Variants in SGCD observed in about 807,000 individuals in gnomAD.
SGCD encodes sarcoglycan delta.
Under a neutral mutation model 36.6 loss-of-function variants are expected in SGCD, and 18 were observed. The observed-to-expected ratio is 0.49, with a 90% CI of 0.34 to 0.73. The LOEUF (loss-of-function observed/expected upper bound fraction) is 0.73, where lower values mean the gene tolerates loss of function less well. Among genes scored for constraint, SGCD ranks in the 30% least tolerant of loss-of-function variants. The pLI is 0.01. For synonymous variants in SGCD, 133 were observed against 130.6 expected (o/e 1.02, Z -0.12); for missense variants, 387 against 346.7 (o/e 1.12, Z -0.92).
chr5:155,981,201 T>C (rs961413329), intron 1 of SGCD, among the ~76,000 whole-genome samples: 1 of 152,016 alleles, frequency 6.6e-6, no homozygotes, highest in African/African-American at 2.4e-5. Context: ...GCATTGACAA[T>C]GTGGGACAAA....
chr5:156,086,513 G>A (rs1216829819), intron 1 of SGCD, among the ~76,000 whole-genome samples: 5 of 152,190 alleles, frequency 3.3e-5, no homozygotes, highest in Admixed American at 6.5e-5. Flanking sequence ...GAGTGGTGAG[G>A]GGTTACAAGG....
chr5:156,012,725 A>T (rs1468958916), intron 1 of SGCD, among the ~76,000 whole-genome samples: 1 of 149,186 alleles, frequency 6.7e-6, no homozygotes, highest in Admixed American at 6.7e-5. Context: ...CCATTCTCCC[A>T]CCTCAGCCTC....
the SGCD span, among the ~76,000 whole-genome samples, chr5:155,823,688 G>A: frequency 0.044 from 6,717 of 152,276 alleles, 324 homozygotes; most frequent in African/African-American, 0.12. Context: ...AGGCAGAACA[G>A]CTTCTGGTGA....
chr5:156,478,342 TG>T (rs1755279928), intron 3 of SGCD, among the ~76,000 whole-genome samples: 1 of 152,240 alleles, frequency 6.6e-6, no homozygotes, highest in African/African-American at 2.4e-5. Flanking sequence ...GCCCCACCAA[TG>T]AGGTTCTTTT....
chr5:156,719,644 C>CAAT (rs1410424119), intron 7 of SGCD, among the ~76,000 whole-genome samples: 1 of 151,860 alleles, frequency 6.6e-6, no homozygotes, highest in Non-Finnish European at 1.5e-5. Context: ...TTGCACTATA[C>CAAT]AATAGAAACT....
chr5:155,802,562 A>G, the SGCD span, among the ~76,000 whole-genome samples: 3 of 152,196 alleles, frequency 2.0e-5, no homozygotes, highest in Non-Finnish European at 4.4e-5. Flanking sequence ...ATAAAGCAGA[A>G]TCATACAGAC....
chr5:156,179,520 A>G (rs1763552650), intron 3 of SGCD, among the ~76,000 whole-genome samples: 1 of 152,100 alleles, frequency 6.6e-6, no homozygotes, highest in Non-Finnish European at 1.5e-5. Flanking sequence ...TGATGTGCAT[A>G]TGATAAAGCT....
chr5:155,765,103 C>T, the SGCD span, among the ~76,000 whole-genome samples: 1 of 151,688 alleles, frequency 6.6e-6, no homozygotes, highest in African/African-American at 2.4e-5. Flanking sequence ...ACATAGTGAA[C>T]CCCCATCTCT....
chr5:155,918,907 T>C (rs962242110), intron 1 of SGCD, among the ~76,000 whole-genome samples: 2 of 152,210 alleles, frequency 1.3e-5, no homozygotes, highest in African/African-American at 4.8e-5. Context: ...GCTTCTGACC[T>C]CTTTCCTGCT....
At chr5:156,112,330 T>G (rs895141529) in intron 1 of SGCD, among the ~76,000 whole-genome samples, 3 of 152,208 alleles carry the variant, frequency 2.0e-5, no homozygotes, top group African/African-American at 7.2e-5. Flanking sequence ...GTGACTAATT[T>G]AGCTTCACAT....
the SGCD span, among the ~76,000 whole-genome samples, chr5:155,858,226 A>C: frequency 6.6e-6 from 1 of 152,164 alleles, no homozygotes; most frequent in Non-Finnish European, 1.5e-5. Flanking sequence ...ATTTAATCTT[A>C]CATTAATCTC....
intron 3 of SGCD, among the ~76,000 whole-genome samples, chr5:156,298,309 T>G (rs1766952680): frequency 6.6e-6 from 1 of 152,142 alleles, no homozygotes; most frequent in Non-Finnish European, 1.5e-5. Context: ...CGTGTGGTAA[T>G]TAGATCTTTA....
At chr5:156,211,518 G>T (rs1331542766) in intron 3 of SGCD, among the ~76,000 whole-genome samples, 4 of 151,644 alleles carry the variant, frequency 2.6e-5, no homozygotes, top group Non-Finnish European at 5.9e-5. Context: ...TGAGGCAGGG[G>T]AATGGCGTGA....
At chr5:155,842,244 G>A in the SGCD span, among the ~76,000 whole-genome samples, 15 of 104,224 alleles carry the variant, frequency 1.4e-4, no homozygotes, top group African/African-American at 7.1e-4. Flanking sequence ...CTCATTTGAG[G>A]TGTTTTTTTT....
At chr5:155,840,425 T>TC in the SGCD span, among the ~76,000 whole-genome samples, 21 of 149,988 alleles carry the variant, frequency 1.4e-4, no homozygotes, top group African/African-American at 4.4e-4. Context: ...TTTTTTTTTT[T>TC]TGTATTTTTA....
At chr5:156,228,613 T>C (rs1764916840) in intron 3 of SGCD, among the ~76,000 whole-genome samples, 1 of 152,204 alleles carries the variant, frequency 6.6e-6, no homozygotes, top group Admixed American at 6.5e-5. Context: ...ATCTTTTAAG[T>C]AGAATATTTA....
At chr5:155,917,267 CAGG>C (rs1234485432) in intron 1 of SGCD, among the ~76,000 whole-genome samples, 3 of 152,086 alleles carry the variant, frequency 2.0e-5, no homozygotes, top group African/African-American at 4.8e-5. Context: ...TGACTCCATG[CAGG>C]AGAATAGCTC....
intron 3 of SGCD, among the ~76,000 whole-genome samples, chr5:156,152,639 C>T (rs1171740019): frequency 6.6e-6 from 1 of 151,608 alleles, no homozygotes; most frequent in Non-Finnish European, 1.5e-5. Context: ...TGTTGACTAC[C>T]TGTTGAAATG....
At chr5:156,466,792 C>CA (rs1192456046) in intron 3 of SGCD, among the ~76,000 whole-genome samples, 1 of 151,608 alleles carries the variant, frequency 6.6e-6, no homozygotes, top group East Asian at 1.9e-4. Flanking sequence ...AAAATTATAC[C>CA]AAAAAAAGAA....
Sources: gnomAD v4.1 joint callset for allele counts (sites outside exome capture counted in the v4.1 genomes callset) on GRCh38, gnomAD v4.1.1 for gene constraint, MANE v1.5 for transcripts, NCBI Gene and HGNC (gene_info 2026-07-23, HGNC 2026-07-21) for gene names.